NUDT5: variants seen among roughly 807,000 people sequenced by gnomAD.
The protein encoded by NUDT5 is nudix hydrolase 5.
NUDT5 carries 21 observed loss-of-function variants against 34.1 expected under a neutral mutation model. The observed-to-expected ratio is 0.62, with a 90% CI of 0.44 to 0.89. NUDT5 has a LOEUF of 0.89. Among genes scored for constraint, NUDT5 ranks in the 40% least tolerant of loss-of-function variants. The probability of loss-of-function intolerance (pLI) is 0.00; values close to 1 mark genes in which losing one functional copy is unlikely to be tolerated. For missense variants in NUDT5, 249 were observed against 274.8 expected (o/e 0.91, Z 0.66); for synonymous variants, 85 against 97.6 (o/e 0.87, Z 0.76).
At position 12,177,784 on chromosome 10, in the gene NUDT5, G is replaced by C. The variant is rs781475726; in HGVS notation, c.289+9C>G. On this transcript the variant is annotated intron_variant, in intron 5 of 9. Coordinates refer to ENST00000491614, the MANE Select transcript of NUDT5 (RefSeq NM_014142.4). Reference sequence around the variant, plus strand: ...TCCCTAAGAAGCAATTCGATGTTGAGTGACTCACCTGCAGGGAACTCTATG... The same window carrying C: ...TCCCTAAGAAGCAATTCGATGTTGACTGACTCACCTGCAGGGAACTCTATG... The C allele has an allele frequency of 1.2e-6, 2 of 1,600,176 alleles. No individual in the cohort carries two copies. The highest frequency in any genetic ancestry group is 1.7e-6 in the Non-Finnish European group (2 of 1,167,196).
chr10:12,171,687 T>TTTTATTTATATA lies in NUDT5; in HGVS notation c.488-780_488-779insTATATAAATAAA, dbSNP rs1834857257. Among the ~76,000 whole-genome samples, 1 of 139,984 alleles carries TTTTATTTATATA rather than the reference T, an allele frequency of 7.1e-6. No homozygotes were observed. Among genetic ancestry groups the TTTTATTTATATA allele is most frequent in the Non-Finnish European group, 1.6e-5 (1 of 64,442 alleles). 91.8% of individuals were successfully genotyped at this position (139,984 alleles called of 152,430 possible). A position where few individuals can be genotyped will look rare whatever the true frequency, so the allele number is the denominator to read the frequency against. ...TGTGCAGTTCAAAAATTAAGATTTATTTTATTTATTTATTTATTTATTTAT... is the reference window on the plus strand; with the variant it reads ...TGTGCAGTTCAAAAATTAAGATTTATTTTATTTATATATTTATTTATTTATTTATTTATTTAT... On this transcript the variant is annotated intron_variant, in intron 7 of 9. Transcript: ENST00000491614. The surrounding 1 kb of genome is among the most constrained non-coding windows in gnomAD (Gnocchi z 4.2).
Position 12,171,017 on chromosome 10 carries a change from G to T in NUDT5, c.488-109C>A. ...GCTTTGAGAATTTCACAGAAGCCTG[G>T]GTTTCTGCTAACTTAATTTATATAC... On this transcript the variant is annotated intron_variant, in intron 7 of 9. Transcript: ENST00000491614. This position sits in a 1 kb window ranked among gnomAD's most constrained non-coding sequence, Gnocchi z 4.2. 1.7e-6 allele frequency: 2 copies of T among 1,154,898 alleles called. No homozygotes were observed. Among genetic ancestry groups the T allele is most frequent in the Non-Finnish European group, 2.5e-6 (2 of 800,060 alleles). 71.5% of individuals were successfully genotyped at this position (1,154,898 alleles called of 1,614,324 possible).
chr10:12,173,656 A>G lies in NUDT5; in HGVS notation c.385+62T>C. Reference sequence around the variant, plus strand: ...AATTCTGAGCGTAAAGAACACCCAAATAATCAATCCCTTCCCAGACGGAGG... The same window carrying G: ...AATTCTGAGCGTAAAGAACACCCAAGTAATCAATCCCTTCCCAGACGGAGG... On this transcript the variant is annotated intron_variant, in intron 6 of 9. Transcript: ENST00000491614. This position sits in a 1 kb window ranked among gnomAD's most constrained non-coding sequence, Gnocchi z 4.7. 2 of 1,255,556 alleles carry G rather than the reference A, an allele frequency of 1.6e-6. No homozygotes were observed. The highest frequency in any genetic ancestry group is 2.4e-5 in the South Asian group (2 of 83,966). The allele number at this position is 1,255,556 out of a possible 1,614,324, so 77.8% of individuals were successfully genotyped here. A position where few individuals can be genotyped will look rare whatever the true frequency, so the allele number is the denominator to read the frequency against.
At chr10:12,180,918 C>A (rs1835032193) in intron 3 of NUDT5, among the ~76,000 whole-genome samples, 1 of 152,204 alleles carries the variant, frequency 6.6e-6, no homozygotes, top group South Asian at 2.1e-4. Flanking sequence ...GTGACTTCGG[C>A]ACTGTCTTGA....
rs571251983 is a variant in NUDT5 at position 12,166,757 on chromosome 10, C to A, written c.*945G>T. On this transcript the variant is annotated 3_prime_UTR_variant, in exon 10 of 10. Coordinates refer to ENST00000491614, the MANE Select transcript of NUDT5 (RefSeq NM_014142.4). ...CTGCTGGAGGCCCTAAAAGTCAACACAAAAAGAGCTAAACTCACTCAAGAA... is the reference window on the plus strand; with the variant it reads ...CTGCTGGAGGCCCTAAAAGTCAACAAAAAAAGAGCTAAACTCACTCAAGAA... 5 of 503,596 alleles carry A rather than the reference C, an allele frequency of 9.9e-6. No homozygotes were observed. In the Middle Eastern group the frequency reaches 1.3e-3, roughly 130 times the overall value. The allele number at this position is 503,596 out of a possible 1,614,324, so 31.2% of individuals were successfully genotyped here.
Position 12,181,535 on chromosome 10 carries a change from G to A in NUDT5, c.132-2403C>T, listed in dbSNP as rs1835040573. 6.6e-6 allele frequency among the ~76,000 whole-genome samples: 1 copy of A among 152,168 alleles called. No homozygotes were observed. Among genetic ancestry groups the A allele is most frequent in the Non-Finnish European group, 1.5e-5 (1 of 68,022 alleles). ...CTTTACCCCACAGAGCAGGAAATAA[G>A]CCAAAGAACCCCACAATGAGTCATG... On this transcript the variant is annotated intron_variant, in intron 3 of 9. Transcript: ENST00000491614. This position sits in a 1 kb window ranked among gnomAD's most constrained non-coding sequence, Gnocchi z 5.0.
At chr10:12,179,827 G>A (rs1309422502) in intron 3 of NUDT5, among the ~76,000 whole-genome samples, 1 of 152,156 alleles carries the variant, frequency 6.6e-6, no homozygotes, top group Non-Finnish European at 1.5e-5. Flanking sequence ...TTCTGGCCTT[G>A]GAACATGGGG....
intron 4 of NUDT5, among the ~76,000 whole-genome samples, chr10:12,178,380 T>G (rs1031519359): frequency 4.0e-5 from 6 of 148,166 alleles, no homozygotes; most frequent in Admixed American, 4.0e-4. Context: ...TCAAGTTACT[T>G]GGCCTTCATT....
At chr10:12,193,465 G>A (rs1161698168) in intron 1 of NUDT5, among the ~76,000 whole-genome samples, 3 of 152,164 alleles carry the variant, frequency 2.0e-5, no homozygotes, top group Non-Finnish European at 4.4e-5. Flanking sequence ...CATGACTACT[G>A]ACTTTTCAGC....
In NUDT5 at chr10:12,182,077, T is replaced by C. The variant is rs575694384; in HGVS notation, c.131+2812A>G. On this transcript the variant is annotated intron_variant, in intron 3 of 9. Transcript: ENST00000491614. This position sits in a 1 kb window ranked among gnomAD's most constrained non-coding sequence, Gnocchi z 4.3. Reference sequence around the variant, plus strand: ...CAGGGAGGTAGAGGTTGCAGTGAGCTGAGACCACACCATTGCACTCTAGCC... The same window carrying C: ...CAGGGAGGTAGAGGTTGCAGTGAGCCGAGACCACACCATTGCACTCTAGCC... Among the ~76,000 whole-genome samples the C allele has an allele frequency of 7.3e-5, 11 of 151,174 alleles. No homozygotes were observed. The highest frequency in any genetic ancestry group is 2.7e-4 in the African/African-American group (11 of 41,092).
chr10:12,174,093 C>A (rs548650617), intron 5 of NUDT5, among the ~76,000 whole-genome samples: 2 of 152,170 alleles, frequency 1.3e-5, no homozygotes, highest in African/African-American at 4.8e-5. Flanking sequence ...GTCTTGAATT[C>A]TTGATCTCAT....
At chr10:12,193,455 C>G (rs747305503) in intron 1 of NUDT5, among the ~76,000 whole-genome samples, 1 of 152,188 alleles carries the variant, frequency 6.6e-6, no homozygotes, top group Non-Finnish European at 1.5e-5. Context: ...CCCATAATCA[C>G]ATGACTACTG....
At position 12,184,924 on chromosome 10, in the gene NUDT5, T is replaced by C. The variant is rs1318721297; in HGVS notation, c.96A>G (p.Glu32=). ...CAGTAGGATCCATGTACGTTGTTTT[T>C]TCAAGCTTGACCCATTTTCCTTCTG... The part of the protein sequence containing the change: ...LISEGKWVKL[E]KTTYMDPTGK... The change falls in exon 3 of 10, where the codon GAA becomes GAG. Residue 32 remains glutamate, a synonymous_variant. Coordinates refer to ENST00000491614, the MANE Select transcript of NUDT5 (RefSeq NM_014142.4). 3.8e-6 allele frequency: 6 copies of C among 1,599,228 alleles called. No homozygotes were observed. Among genetic ancestry groups the C allele is most frequent in the African/African-American group, 1.3e-5 (1 of 74,524 alleles).
Position 12,165,470 on chromosome 10 carries a change from G to A in NUDT5, c.*2232C>T. 1.7e-6 allele frequency: 1 copy of A among 577,838 alleles called. No homozygotes were observed. Among genetic ancestry groups the A allele is most frequent in the Non-Finnish European group, 2.2e-6 (1 of 458,182 alleles). 35.8% of individuals were successfully genotyped at this position (577,838 alleles called of 1,614,324 possible). On this transcript the variant is annotated 3_prime_UTR_variant, in exon 10 of 10. Coordinates refer to ENST00000491614, the MANE Select transcript of NUDT5 (RefSeq NM_014142.4). ...ATAAGAAGTCCACCCTGAGATGCCT[G>A]TAAAAGTCAAATGTAATTACACTTC... is the stretch of plus-strand genomic sequence containing the variant.
rs1391299235 is a variant in NUDT5, at chr10:12,173,227, GAC to G, written c.386-363_386-362del. ...TTCCTAAAGGCAATTGATTTTTTGA[GAC>G]AGAGTTTCACTTTGCTCTTATTGCC... is the stretch of plus-strand genomic sequence containing the variant. On this transcript the variant is annotated intron_variant, in intron 6 of 9. Coordinates refer to ENST00000491614, the MANE Select transcript of NUDT5 (RefSeq NM_014142.4). The surrounding 1 kb of genome is among the most constrained non-coding windows in gnomAD (Gnocchi z 4.7). 2.0e-5 allele frequency among the ~76,000 whole-genome samples: 3 copies of G among 152,300 alleles called. No homozygotes were observed. The highest frequency in any genetic ancestry group is 6.5e-5 in the Admixed American group (1 of 15,300).
In NUDT5 at chr10:12,182,134, A is replaced by G. The variant is rs577581024; in HGVS notation, c.131+2755T>C. ...ACAGAACAAGACTCTGTCTCAGGGTAAAAAAAAAAAAAAAGAAGGATATAG... is the reference window on the plus strand; with the variant it reads ...ACAGAACAAGACTCTGTCTCAGGGTGAAAAAAAAAAAAAAGAAGGATATAG... On this transcript the variant is annotated intron_variant, in intron 3 of 9. Transcript: ENST00000491614. This position sits in a 1 kb window ranked among gnomAD's most constrained non-coding sequence, Gnocchi z 4.3. Among the ~76,000 whole-genome samples the G allele has an allele frequency of 8.0e-5, 8 of 99,608 alleles. No individual in the cohort carries two copies. Among genetic ancestry groups the G allele is most frequent in the East Asian group, 5.6e-4 (2 of 3,560 alleles). The allele number at this position is 99,608 out of a possible 152,430, so 65.3% of individuals were successfully genotyped here. A position where few individuals can be genotyped will look rare whatever the true frequency, so the allele number is the denominator to read the frequency against.
At position 12,170,973 on chromosome 10, in the gene NUDT5, T is replaced by C; in HGVS notation, c.488-65A>G. 6.4e-7 allele frequency: 1 copy of C among 1,563,372 alleles called. No individual in the cohort carries two copies. Among genetic ancestry groups the C allele is most frequent in the Admixed American group, 1.8e-5 (1 of 55,328 alleles). ...GAGTGGTAACATCGGAAGACTTTTA[T>C]ACAAGAGGCGTCAAAAAGGCTTTGA... On this transcript the variant is annotated intron_variant, in intron 7 of 9. Transcript: ENST00000491614. This position sits in a 1 kb window ranked among gnomAD's most constrained non-coding sequence, Gnocchi z 4.9.
chr10:12,190,414 G>A (rs190734167), intron 1 of NUDT5, among the ~76,000 whole-genome samples: 111 of 152,106 alleles, frequency 7.3e-4, no homozygotes, highest in Non-Finnish European at 1.3e-3. Flanking sequence ...AACTAGCTTC[G>A]AGAGCACCAG....
Position 12,170,171 on chromosome 10 carries a change from G to T in NUDT5, c.550+546C>A, listed in dbSNP as rs779113785. 23 of 1,612,500 alleles carry T rather than the reference G, an allele frequency of 1.4e-5. No individual in the cohort carries two copies. The African/African-American group carries it at 2.8e-4, about 20-fold the overall frequency. On this transcript the variant is annotated intron_variant, in intron 9 of 9. Coordinates refer to ENST00000491614, the MANE Select transcript of NUDT5 (RefSeq NM_014142.4). This position sits in a 1 kb window ranked among gnomAD's most constrained non-coding sequence, Gnocchi z 4.9. ...TTACAAAGTCTCTAAAAGATGGGTG[G>T]CCAAGAATTATACAATGCATCTACA...
Sources: gnomAD v4.1 joint callset for allele counts (sites outside exome capture counted in the v4.1 genomes callset) on GRCh38, gnomAD v4.1.1 for gene constraint, Gnocchi (gnomAD v3.1) non-coding constraint, MANE v1.5 for transcripts, NCBI Gene and HGNC (gene_info 2026-07-23, HGNC 2026-07-21) for gene names.